Variants in RAB19 observed in about 807,000 individuals in gnomAD.
The protein encoded by RAB19 is RAB19, member RAS oncogene family.
In RAB19, 21 loss-of-function variants were observed where a neutral mutation model predicts 17.3. The observed-to-expected ratio is 1.21, with a 90% CI of 0.86 to 1.74. RAB19 has a LOEUF of 1.74. RAB19 is among the 40% of genes most tolerant of loss of function. The pLI is 0.00. For missense variants in RAB19, 277 were observed against 286.8 expected, an observed-to-expected ratio of 0.97 and a Z score of 0.25; for synonymous variants, 126 against 110.4, an observed-to-expected ratio of 1.14 and a Z score of -0.88.
chr7:140,411,926 G>A lies in RAB19; in HGVS notation c.254G>A (p.Ser85Asn). The change falls in exon 3 of 4, where the codon AGC (serine) becomes AAC (asparagine). Residue 85 changes from serine (S) to asparagine (N), a missense_variant. Ser to Asn is a conservative substitution (Grantham distance 46). Coordinates refer to ENST00000537763, the MANE Select transcript of RAB19 (RefSeq NM_001008749.3). ...GQERFRTITQ[S>N]YYRSAHAAII... is the part of the protein sequence containing the mutation. ...GAGCGCTTCCGCACCATCACCCAAA[G>A]CTACTACCGCAGTGCCCACGCAGCC... The A allele has an allele frequency of 6.2e-7, 1 of 1,614,178 alleles. No homozygotes were observed. Among genetic ancestry groups the A allele is most frequent in the Non-Finnish European group, 8.5e-7 (1 of 1,180,042 alleles).
intron 2 of RAB19, among the ~76,000 whole-genome samples, chr7:140,410,054 G>T (rs1302112016): frequency 2.8e-5 from 4 of 142,618 alleles, no homozygotes; most frequent in Non-Finnish European, 4.7e-5. Context: ...ATACTTCAAA[G>T]AAATCAACAG....
Position 140,404,135 on chromosome 7 carries a change from G to A in RAB19, c.-106G>A, listed in dbSNP as rs936658086. 6.6e-6 allele frequency: 1 copy of A among 152,612 alleles called. No individual in the cohort carries two copies. The highest frequency in any genetic ancestry group is 1.5e-5 in the Non-Finnish European group (1 of 68,374). 9.5% of individuals were successfully genotyped at this position (152,612 alleles called of 1,614,324 possible). A position where few individuals can be genotyped will look rare whatever the true frequency, so the allele number is the denominator to read the frequency against. ...CAAGCAGCGAGGCAGGAGGAAGAAGGGGGCACTGGGGGGCTGAAAAGCAAA... is the reference window on the plus strand; with the variant it reads ...CAAGCAGCGAGGCAGGAGGAAGAAGAGGGCACTGGGGGGCTGAAAAGCAAA... On this transcript the variant is annotated 5_prime_UTR_variant, in exon 1 of 4. Coordinates refer to ENST00000537763, the MANE Select transcript of RAB19 (RefSeq NM_001008749.3).
chr7:140,425,769 T>A (rs2130173978), intron 3 of RAB19, 113 bp from the exon 4 acceptor site: 2 of 1,132,632 alleles, frequency 1.8e-6, no homozygotes. Context: ...TGACCATTTG[T>A]GAATGAATGC....
intron 3 of RAB19, among the ~76,000 whole-genome samples, chr7:140,420,954 G>A (rs145654848): frequency 1.3e-3 from 196 of 151,868 alleles, no homozygotes; most frequent in African/African-American, 4.3e-3. Context: ...GTGCAGTGGC[G>A]CGATATTGAC....
chr7:140,416,133 G>A (rs1799453780), intron 3 of RAB19, among the ~76,000 whole-genome samples: 4 of 151,998 alleles, frequency 2.6e-5, no homozygotes, highest in East Asian at 1.9e-4. Flanking sequence ...ACCTGAGGTC[G>A]GGAATTCGAG....
chr7:140,407,167 G>A (rs1427995225), intron 1 of RAB19, among the ~76,000 whole-genome samples: 3 of 152,114 alleles, frequency 2.0e-5, no homozygotes, highest in African/African-American at 7.2e-5. Context: ...TTACAGGCAT[G>A]AGCCATCGTG....
Position 140,421,488 on chromosome 7 carries a change from T to C in RAB19, c.386-4394T>C, listed in dbSNP as rs573662760. 4.3e-4 allele frequency among the ~76,000 whole-genome samples: 65 copies of C among 152,200 alleles called. 1 individual carries two copies. Among genetic ancestry groups the C allele is most frequent in the African/African-American group, 1.4e-3 (57 of 41,536 alleles). On this transcript the variant is annotated intron_variant, in intron 3 of 3. Transcript: ENST00000537763. The stretch of plus-strand genomic sequence containing the variant: ...GATTCTCATGCCTCAGCCTCCCAAG[T>C]AGCTGGGATTACAGGCACGTGCCAC...
At chr7:140,416,839 C>A (rs10282540) in intron 3 of RAB19, among the ~76,000 whole-genome samples, 1,801 of 152,142 alleles carry the variant, frequency 0.012, 39 homozygotes, top group African/African-American at 0.042. Flanking sequence ...CTATAAATCC[C>A]AGCACTTTGG....
At chr7:140,415,944 G>A (rs989055388) in intron 3 of RAB19, among the ~76,000 whole-genome samples, 1 of 151,974 alleles carries the variant, frequency 6.6e-6, no homozygotes, top group African/African-American at 2.4e-5. Flanking sequence ...GGTGGCTCAC[G>A]TCAGTAATCC....
rs545105156 is a variant in RAB19 at position 140,409,950 on chromosome 7, A to G, written c.202-1924A>G. On this transcript the variant is annotated intron_variant, in intron 2 of 3. Coordinates refer to ENST00000537763, the MANE Select transcript of RAB19 (RefSeq NM_001008749.3). ...GGAGCTTGCACTGAGCCGAGATCAT[A>G]CCACTGCACTCCAGCCTGGGCAACA... Among the ~76,000 whole-genome samples, 152 of 147,148 alleles carry G rather than the reference A, an allele frequency of 1.0e-3. 1 individual carries two copies. Among genetic ancestry groups the G allele is most frequent in the African/African-American group, 3.5e-3 (141 of 39,942 alleles).
chr7:140,416,957 G>A (rs1248120994), intron 3 of RAB19, among the ~76,000 whole-genome samples: 1 of 151,874 alleles, frequency 6.6e-6, no homozygotes, highest in Non-Finnish European at 1.5e-5. Flanking sequence ...CGGGTGCGGT[G>A]ACTCACACCT....
intron 2 of RAB19, among the ~76,000 whole-genome samples, chr7:140,408,215 C>A (rs1031103790): frequency 2.6e-5 from 4 of 151,886 alleles, no homozygotes; most frequent in Non-Finnish European, 1.5e-5. Flanking sequence ...GAATTCCCAA[C>A]AACAAAGCAC....
Position 140,426,323 on chromosome 7 carries a change from G to A in RAB19, c.*173G>A. 5.9e-6 allele frequency: 4 copies of A among 681,222 alleles called. No individual in the cohort carries two copies. The highest frequency in any genetic ancestry group is 4.5e-5 in the South Asian group (2 of 44,918). The allele number at this position is 681,222 out of a possible 1,614,324, so 42.2% of individuals were successfully genotyped here. ...ACTTCTCCCTTGACTCACACCACAG[G>A]TCATAGCTGCTGACTCTCAGGAAAA... On this transcript the variant is annotated 3_prime_UTR_variant, in exon 4 of 4. Transcript: ENST00000537763.
intron 1 of RAB19, among the ~76,000 whole-genome samples, chr7:140,405,609 G>C (rs533957838): frequency 1.3e-5 from 2 of 151,834 alleles, no homozygotes; most frequent in Admixed American, 1.3e-4. Context: ...ACCTCCTGGC[G>C]TCAAGTGATC....
intron 3 of RAB19, among the ~76,000 whole-genome samples, chr7:140,419,008 C>A (rs1336939003): frequency 2.0e-5 from 3 of 151,704 alleles, no homozygotes; most frequent in Non-Finnish European, 2.9e-5. Flanking sequence ...ACTACCTAAG[C>A]CCACATCCCT....
intron 1 of RAB19, chr7:140,404,499 T>C (rs1183764611): frequency 6.6e-6 from 1 of 152,234 alleles, no homozygotes; most frequent in Non-Finnish European, 1.5e-5. Flanking sequence ...GTCTGCTGGA[T>C]CATCTACCCA....
chr7:140,409,992 C>CAAAA (rs760964553), intron 2 of RAB19, among the ~76,000 whole-genome samples: 6 of 94,158 alleles, frequency 6.4e-5, no homozygotes, highest in Admixed American at 1.2e-4. Flanking sequence ...GACTCCGTCT[C>CAAAA]AAAAAAAAAA....
rs560676029 is a variant in RAB19 at position 140,411,963 on chromosome 7, T to G, written c.291T>G (p.Tyr97Ter). The G allele has an allele frequency of 6.2e-7, 1 of 1,614,192 alleles. No homozygotes were observed. The change falls in exon 3 of 4, where the codon TAT becomes TAG. Residue 97 changes from tyrosine (Y) to a stop codon, truncating the protein, a stop_gained. Transcript: ENST00000537763. LOFTEE classifies it high-confidence loss of function. ...YRSAHAAIIAYDLTRRSTFES... is the reference protein window; with the variant it reads ...YRSAHAAIIA ...GTGCCCACGCAGCCATCATCGCCTA[T>G]GACCTCACCCGGCGGTCCACGTTCG...
chr7:140,411,913 AC>A lies in RAB19; in HGVS notation c.243del (p.Ile82SerfsTer34). ...WDTAGQERFRTITQSYYRSAH... is the reference protein window; with the variant it reads ...WDTAGQERFRXITQSYYRSAH... ...CACAGCTGGCCAGGAGCGCTTCCGC[AC>A]CATCACCCAAAGCTACTACCGCAGT... On this transcript the variant is annotated frameshift_variant, in exon 3 of 4. Transcript: ENST00000537763. LOFTEE classifies it high-confidence loss of function. The A allele has an allele frequency of 6.2e-7, 1 of 1,614,174 alleles. No homozygotes were observed. The highest frequency in any genetic ancestry group is 8.5e-7 in the Non-Finnish European group (1 of 1,180,030).
Sources: gnomAD v4.1 joint callset for allele counts (sites outside exome capture counted in the v4.1 genomes callset) on GRCh38, gnomAD v4.1.1 for gene constraint, MANE v1.5 for transcripts, NCBI Gene and HGNC (gene_info 2026-07-23, HGNC 2026-07-21) for gene names.